The following GPATCH1 variants were observed in gnomAD, a reference collection of about 807,000 sequenced individuals.
The protein encoded by GPATCH1 is G-patch domain containing 1.
In GPATCH1, 73 loss-of-function variants were observed where a neutral mutation model predicts 114.9. The observed-to-expected ratio is 0.64, with a 90% CI of 0.53 to 0.77. The LOEUF (loss-of-function observed/expected upper bound fraction) is 0.77. Ranked by LOEUF, GPATCH1 falls within the 30% of genes least tolerant of loss-of-function variation. GPATCH1 has a pLI of 0.00. For synonymous variants in GPATCH1, 391 were observed against 428.4 expected, an observed-to-expected ratio of 0.91 and a Z score of 1.08; for missense variants, 1,058 against 1,144.3, an observed-to-expected ratio of 0.92 and a Z score of 1.09.
intron 15 of GPATCH1, among the ~76,000 whole-genome samples, chr19:33,116,334 C>T (rs557522725): frequency 1.6e-4 from 24 of 152,338 alleles, no homozygotes; most frequent in African/African-American, 5.8e-4. Context: ...GTTGCTCTTT[C>T]TTCATCCTTG....
chr19:33,090,883 T>TG lies in GPATCH1; in HGVS notation c.294+18_294+19insG. The stretch of plus-strand genomic sequence containing the variant: ...ATGAAGAGGTGCGTGTGCAAAACTT[T>TG]AATTGCCAATTAGCTGGTGGGACAG... On this transcript the variant is annotated intron_variant, in intron 3 of 19. Transcript: ENST00000170564. 1 of 1,519,968 alleles carries TG rather than the reference T, an allele frequency of 6.6e-7. No homozygotes were observed. The highest frequency in any genetic ancestry group is 1.1e-5 in the South Asian group (1 of 88,918). The allele number at this position is 1,519,968 out of a possible 1,614,324, so 94.2% of individuals were successfully genotyped here.
chr19:33,109,345 T>C (rs897771718), intron 10 of GPATCH1, among the ~76,000 whole-genome samples: 3 of 152,164 alleles, frequency 2.0e-5, no homozygotes, highest in Admixed American at 6.6e-5. Flanking sequence ...GATGAGACCC[T>C]GTCTCTACTA....
At position 33,081,258 on chromosome 19, in the gene GPATCH1, T is replaced by A. The variant is rs1253546752; in HGVS notation, c.65T>A (p.Leu22Gln). 1.3e-6 allele frequency: 2 copies of A among 1,551,336 alleles called. No individual in the cohort carries two copies. Among genetic ancestry groups the A allele is most frequent in the Non-Finnish European group, 1.7e-6 (2 of 1,146,848 alleles). ...AGCTATGGGACCGGGCTGGAGCCTC[T>A]GGAAGAAGGTGCGGGCCGCGTGGGC... Reference protein sequence around the residue: ...LVSYGTGLEPLEEGERPKKPI... With the variant: ...LVSYGTGLEPQEEGERPKKPI... Residue 22 changes from leucine (L) to glutamine (Q), a missense_variant, in exon 1 of 20, where the codon CTG (leucine) becomes CAG (glutamine). By Grantham distance (113) the Leu-to-Gln change is moderately radical. Transcript: ENST00000170564.
chr19:33,111,406 A>G (rs75987761), intron 11 of GPATCH1, among the ~76,000 whole-genome samples: 1 of 138,680 alleles, frequency 7.2e-6, no homozygotes, highest in African/African-American at 2.8e-5. Flanking sequence ...AAAAAAAAAA[A>G]GAGAGATGGG....
Position 33,112,630 on chromosome 19 carries a change from T to C in GPATCH1, c.1892+17T>C, listed in dbSNP as rs768903934. The C allele has an allele frequency of 9.4e-6, 15 of 1,603,330 alleles. No individual in the cohort carries two copies. Among genetic ancestry groups the C allele is most frequent in the Non-Finnish European group, 3.4e-6 (4 of 1,171,178 alleles). On this transcript the variant is annotated intron_variant, in intron 13 of 19. Coordinates refer to ENST00000170564, the MANE Select transcript of GPATCH1 (RefSeq NM_018025.3). ...TTATCCAGAGTAAGTTGGATAAACC[T>C]TTACATCAGTACAAAATGTATTCTT...
chr19:33,102,819 T>C (rs1171265133), intron 9 of GPATCH1, among the ~76,000 whole-genome samples: 1 of 152,180 alleles, frequency 6.6e-6, no homozygotes, highest in Non-Finnish European at 1.5e-5. Context: ...TAGAAAACAT[T>C]CAGAAAGCTG....
intron 8 of GPATCH1, among the ~76,000 whole-genome samples, chr19:33,100,845 G>A (rs1972718016): frequency 6.6e-6 from 1 of 151,904 alleles, no homozygotes; most frequent in African/African-American, 2.4e-5. Flanking sequence ...CGGACTTTTG[G>A]CGTAACCAGT....
chr19:33,105,669 A>C (rs1972775648), intron 9 of GPATCH1, among the ~76,000 whole-genome samples: 1 of 151,040 alleles, frequency 6.6e-6, no homozygotes, highest in Non-Finnish European at 1.5e-5. Flanking sequence ...GATTACAGGC[A>C]TCCACCACCA....
intron 13 of GPATCH1, chr19:33,112,919 A>G (rs1448582250): frequency 4.5e-6 from 1 of 220,860 alleles, no homozygotes; most frequent in East Asian, 1.1e-4. Flanking sequence ...TGTGGTTTAC[A>G]TTTATAATGT....
intron 19 of GPATCH1, 44 bp from the exon 20 acceptor site, chr19:33,130,086 T>TCC (rs72542971): frequency 8.7e-6 from 11 of 1,258,976 alleles, no homozygotes; most frequent in Admixed American, 2.5e-5. Context: ...GGTTTTTCAC[T>TCC]TTAGCTAACT....
chr19:33,083,485 T>C (rs1291743155), intron 1 of GPATCH1, among the ~76,000 whole-genome samples: 1 of 149,828 alleles, frequency 6.7e-6, no homozygotes, highest in African/African-American at 2.4e-5. Flanking sequence ...ACCTCCGCCT[T>C]CCAGGTTCAA....
chr19:33,103,839 C>T (rs945637775), intron 9 of GPATCH1, among the ~76,000 whole-genome samples: 2 of 152,114 alleles, frequency 1.3e-5, no homozygotes, highest in African/African-American at 2.4e-5. Flanking sequence ...AATACAGAGT[C>T]GTGGGCAAAC....
At chr19:33,124,967 C>A in intron 17 of GPATCH1, 138 bp from the exon 18 acceptor site, 1 of 823,748 alleles carries the variant, frequency 1.2e-6, no homozygotes, top group Non-Finnish European at 1.9e-6. Flanking sequence ...AGAAGCTAAT[C>A]CAAGGGCAGG....
chr19:33,091,056 T>C (rs931459381), intron 3 of GPATCH1, among the ~76,000 whole-genome samples, 191 bp downstream of exon 3: 1 of 152,150 alleles, frequency 6.6e-6, no homozygotes, highest in Non-Finnish European at 1.5e-5. Flanking sequence ...GAGCATTTTA[T>C]ACTGGGGCCA....
intron 16 of GPATCH1, 123 bp downstream of exon 16, chr19:33,118,164 T>C: frequency 1.9e-6 from 1 of 538,382 alleles, no homozygotes; most frequent in Non-Finnish European, 3.1e-6. Context: ...TGTAATCTTT[T>C]ATATGTATAT....
chr19:33,094,499 A>T (rs1972633544), intron 5 of GPATCH1, among the ~76,000 whole-genome samples: 2 of 151,940 alleles, frequency 1.3e-5, no homozygotes, highest in Admixed American at 6.6e-5. Flanking sequence ...TTTTGTAGAG[A>T]CGGGGTTTTG....
At chr19:33,109,410 C>T (rs1445825969) in intron 10 of GPATCH1, among the ~76,000 whole-genome samples, 1 of 151,808 alleles carries the variant, frequency 6.6e-6, no homozygotes, top group Non-Finnish European at 1.5e-5. Context: ...CCCGGCTACT[C>T]GGTGGGGATG....
At chr19:33,120,984 C>T (rs1255422777) in intron 17 of GPATCH1, among the ~76,000 whole-genome samples, 1 of 147,932 alleles carries the variant, frequency 6.8e-6, no homozygotes, top group East Asian at 2.0e-4. Context: ...AGCAAGACTC[C>T]GTCTCAAAAA....
At chr19:33,128,967 G>A (rs1973072740) in intron 19 of GPATCH1, among the ~76,000 whole-genome samples, 1 of 152,080 alleles carries the variant, frequency 6.6e-6, no homozygotes, top group Non-Finnish European at 1.5e-5. Flanking sequence ...TCAGATTTAG[G>A]CCAGGTGCGG....
Sources: gnomAD v4.1 joint callset for allele counts (sites outside exome capture counted in the v4.1 genomes callset) on GRCh38, gnomAD v4.1.1 for gene constraint, MANE v1.5 for transcripts, NCBI Gene and HGNC (gene_info 2026-07-23, HGNC 2026-07-21) for gene names.